Variants in SUPT3H observed in about 807,000 individuals in gnomAD.
SUPT3H encodes SPT3 homolog, SAGA and STAGA complex component.
Under a neutral mutation model 44.3 loss-of-function variants are expected in SUPT3H, and 44 were observed. The observed-to-expected ratio is 0.99, with a 90% CI of 0.78 to 1.28. The LOEUF is 1.28. Ranked by LOEUF, SUPT3H falls within the 50% of genes most tolerant of loss-of-function variation. The probability of loss-of-function intolerance (pLI) is 0.00; values close to 1 mark genes in which losing one functional copy is unlikely to be tolerated. For synonymous variants in SUPT3H, 124 were observed against 125.6 expected (o/e 0.99, Z 0.09); for missense variants, 380 against 387.1 (o/e 0.98, Z 0.15).
rs11377496 is a variant in SUPT3H at position 45,175,712 on chromosome 6, TA to T, written c.102-69707del. Among the ~76,000 whole-genome samples the T allele has an allele frequency of 2.5e-3, 380 of 151,346 alleles. 3 individuals carry two copies. The highest frequency in any genetic ancestry group is 8.8e-3 in the African/African-American group (364 of 41,240). ...GCCCTGAGGCAGACTCAAGTGATAT[TA>T]AAAAAAAATGGTAATTTTTAGGCTA... On this transcript the variant is annotated intron_variant, in intron 2 of 10. Coordinates refer to ENST00000371459, the MANE Select transcript of SUPT3H (RefSeq NM_003599.4).
chr6:45,193,731 A>C (rs1255846276), intron 2 of SUPT3H, among the ~76,000 whole-genome samples: 1 of 152,114 alleles, frequency 6.6e-6, no homozygotes, highest in Non-Finnish European at 1.5e-5. Context: ...AATAAAAATA[A>C]AAATAATGTA....
chr6:45,090,635 A>G (rs1359958130), intron 3 of SUPT3H, among the ~76,000 whole-genome samples: 4 of 152,024 alleles, frequency 2.6e-5, no homozygotes, highest in Admixed American at 6.6e-5. Flanking sequence ...AGTTTCTACT[A>G]AATATAATGT....
chr6:45,003,339 A>C (rs1746352305), intron 6 of SUPT3H, among the ~76,000 whole-genome samples: 1 of 152,188 alleles, frequency 6.6e-6, no homozygotes, highest in South Asian at 2.1e-4. Context: ...TGAAACAAGA[A>C]AGGTAAATAT....
intron 3 of SUPT3H, among the ~76,000 whole-genome samples, chr6:45,021,482 A>G (rs1029803520): frequency 1.3e-5 from 2 of 151,998 alleles, no homozygotes; most frequent in African/African-American, 2.4e-5. Flanking sequence ...AAAAATAAAG[A>G]TGCTACAGAA....
intron 2 of SUPT3H, among the ~76,000 whole-genome samples, chr6:45,312,181 T>C (rs1002977049): frequency 2.6e-5 from 4 of 151,960 alleles, no homozygotes; most frequent in Non-Finnish European, 5.9e-5. Context: ...AATTCTTATA[T>C]CAGACAAAAG....
intron 9 of SUPT3H, among the ~76,000 whole-genome samples, chr6:44,941,471 C>A (rs1772424998): frequency 1.3e-5 from 2 of 152,044 alleles, no homozygotes; most frequent in Non-Finnish European, 1.5e-5. Flanking sequence ...CCATTATTTC[C>A]TAGCCTGCCT....
At chr6:45,337,716 C>T (rs1459927625) in intron 2 of SUPT3H, among the ~76,000 whole-genome samples, 1 of 151,712 alleles carries the variant, frequency 6.6e-6, no homozygotes, top group African/African-American at 2.4e-5. Context: ...CTTCTAGAAG[C>T]CATGAAAAAG....
intron 2 of SUPT3H, among the ~76,000 whole-genome samples, chr6:45,318,461 G>A (rs923511358): frequency 8.5e-5 from 13 of 152,226 alleles, no homozygotes; most frequent in African/African-American, 2.4e-4. Context: ...GTTATTAAGT[G>A]TAGACCACCA....
At chr6:45,139,507 G>T (rs1448671372) in intron 2 of SUPT3H, among the ~76,000 whole-genome samples, 2 of 152,070 alleles carry the variant, frequency 1.3e-5, no homozygotes, top group Non-Finnish European at 2.9e-5. Flanking sequence ...AGAATTCACA[G>T]ATCCTTTGAA....
chr6:45,034,123 G>C (rs865839837), intron 3 of SUPT3H, among the ~76,000 whole-genome samples: 2 of 152,112 alleles, frequency 1.3e-5, no homozygotes, highest in South Asian at 4.1e-4. Context: ...TGACCAGGGA[G>C]ATTGTGGTGC....
rs7747238 is a variant in SUPT3H, at chr6:45,154,188, G to C, written c.102-48182C>G. ...GCCTACTTAGCTTAAAACACAAGTA[G>C]CTTGAAATCCATATAGTCAATTAAT... On this transcript the variant is annotated intron_variant, in intron 2 of 10. Transcript: ENST00000371459. 3.7e-3 allele frequency among the ~76,000 whole-genome samples: 567 copies of C among 151,480 alleles called. 7 individuals are homozygous for C. The highest frequency in any genetic ancestry group is 0.013 in the African/African-American group (539 of 41,304).
At chr6:45,015,245 C>A (rs1413478019) in intron 4 of SUPT3H, among the ~76,000 whole-genome samples, 1 of 152,120 alleles carries the variant, frequency 6.6e-6, no homozygotes, top group African/African-American at 2.4e-5. Context: ...CTAATGCACA[C>A]CTAGGCTACA....
At chr6:45,060,781 G>A (rs1260731106) in intron 3 of SUPT3H, among the ~76,000 whole-genome samples, 1 of 152,044 alleles carries the variant, frequency 6.6e-6, no homozygotes, top group Non-Finnish European at 1.5e-5. Flanking sequence ...TTAAAAAGTG[G>A]GCAAAGGACG....
At position 45,023,869 on chromosome 6, in the gene SUPT3H, T is replaced by C. The variant is rs544575816; in HGVS notation, c.187-3237A>G. Among the ~76,000 whole-genome samples, 6 of 152,224 alleles carry C rather than the reference T, an allele frequency of 3.9e-5. No individual in the cohort carries two copies. The East Asian group carries it at 1.2e-3, about 29-fold the overall frequency. ...AACCCCAGTGACATGAGTTTACCTATGTAACAAACCTTCACATGTACCCCT... is the reference window on the plus strand; with the variant it reads ...AACCCCAGTGACATGAGTTTACCTACGTAACAAACCTTCACATGTACCCCT... On this transcript the variant is annotated intron_variant, in intron 3 of 10. Transcript: ENST00000371459.
intron 10 of SUPT3H, among the ~76,000 whole-genome samples, chr6:44,837,670 T>A (rs1241144912): frequency 6.6e-6 from 1 of 152,224 alleles, no homozygotes; most frequent in Admixed American, 6.5e-5. Flanking sequence ...AGTGAAAAGT[T>A]ATGCATCAAT....
At chr6:45,023,344 G>C (rs1426286770) in intron 3 of SUPT3H, among the ~76,000 whole-genome samples, 1 of 151,952 alleles carries the variant, frequency 6.6e-6, no homozygotes, top group Non-Finnish European at 1.5e-5. Flanking sequence ...GTGTAAATTA[G>C]TTCAACCATT....
rs1562572907 is a variant in SUPT3H, at chr6:45,158,290, A to ATTTTT, written c.102-52285_102-52284insAAAAA. ...TATAAATATACATATATATATATAT[A>ATTTTT]TATATATATTTTTTTTTTTTTTTTT... On this transcript the variant is annotated intron_variant, in intron 2 of 10. Coordinates refer to ENST00000371459, the MANE Select transcript of SUPT3H (RefSeq NM_003599.4). Among the ~76,000 whole-genome samples the ATTTTT allele has an allele frequency of 7.5e-5, 3 of 39,806 alleles. 1 individual carries two copies. The highest frequency in any genetic ancestry group is 1.6e-4 in the Non-Finnish European group (3 of 18,504). 26.1% of individuals were successfully genotyped at this position (39,806 alleles called of 152,430 possible). A position where few individuals can be genotyped will look rare whatever the true frequency, so the allele number is the denominator to read the frequency against.
intron 2 of SUPT3H, among the ~76,000 whole-genome samples, chr6:45,245,176 A>C (rs1018096151): frequency 6.6e-6 from 1 of 152,144 alleles, no homozygotes; most frequent in African/African-American, 2.4e-5. Context: ...AAGAATATCT[A>C]TTTTGGTTAA....
rs778463529 is a variant in SUPT3H, at chr6:45,321,906, G to C, written c.101+43295C>G. 9 of 1,414,572 alleles carry C rather than the reference G, an allele frequency of 6.4e-6. No individual in the cohort carries two copies. The East Asian group carries it at 2.2e-4, about 34-fold the overall frequency. The allele number at this position is 1,414,572 out of a possible 1,614,324, so 87.6% of individuals were successfully genotyped here. On this transcript the variant is annotated intron_variant, in intron 2 of 10. Coordinates refer to ENST00000371459, the MANE Select transcript of SUPT3H (RefSeq NM_003599.4). ...TCCCTATGAAGCTAGAAAAAAAATT[G>C]TAATCTCACCTTAGATGGTTAAAAC...
Sources: allele counts gnomAD v4.1 joint callset (sites outside exome capture counted in the v4.1 genomes callset), GRCh38; gene constraint gnomAD v4.1.1; transcripts MANE v1.5; gene names NCBI Gene and HGNC (gene_info 2026-07-23, HGNC 2026-07-21).